The following NOP2 variants were observed in gnomAD, a reference collection of about 807,000 sequenced individuals.
The protein encoded by NOP2 is NOP2 nucleolar protein.
In NOP2, 7 loss-of-function variants were observed where a neutral mutation model predicts 72.7. That is an observed-to-expected ratio of 0.10 (90% CI 0.05 to 0.18). The LOEUF is 0.18. Ranked by LOEUF, NOP2 falls within the 10% of genes least tolerant of loss-of-function variation. The probability of loss-of-function intolerance (pLI) is 1.00; values close to 1 mark genes in which losing one functional copy is unlikely to be tolerated. For synonymous variants in NOP2, 387 were observed against 388.0 expected (o/e 1.00, Z 0.03); for missense variants, 954 against 1,014.7 (o/e 0.94, Z 0.81).
chr12:6,566,370 C>A (rs1592247622), intron 4 of NOP2, 34 bp from the exon 5 acceptor site: 1 of 1,561,634 alleles, frequency 6.4e-7, no homozygotes, highest in South Asian at 1.1e-5. Context: ...CTAATGGCAG[C>A]CACACATTCC....
intron 9 of NOP2, among the ~76,000 whole-genome samples, chr12:6,562,269 C>T (rs1482785948): frequency 2.6e-5 from 4 of 152,264 alleles, no homozygotes; most frequent in East Asian, 3.9e-4. Context: ...GGATTACAGG[C>T]GTTGAGTCAC....
In NOP2 at chr12:6,566,811, T is replaced by A; in HGVS notation, c.115A>T (p.Asn39Tyr). 1 of 1,612,640 alleles carries A rather than the reference T, an allele frequency of 6.2e-7. No individual in the cohort carries two copies. Among genetic ancestry groups the A allele is most frequent in the Non-Finnish European group, 8.5e-7 (1 of 1,179,224 alleles). ...VRFLPAVSDE[N>Y]SKRLSSRARK... is the part of the protein sequence containing the mutation. Reference sequence around the variant, plus strand: ...GCACGACTAGACAGCCTCTTGGAATTTTCGTCACTTACTGTTTAAAAAAGA... The same window carrying A: ...GCACGACTAGACAGCCTCTTGGAATATTCGTCACTTACTGTTTAAAAAAGA... Residue 39 changes from asparagine to tyrosine, a missense_variant, in exon 3 of 16, where the codon AAT (asparagine) becomes TAT (tyrosine). Physicochemically the swap from Asn to Tyr is moderately radical, Grantham distance 143. Transcript: ENST00000322166.
Position 6,560,944 on chromosome 12 carries a change from C to T in NOP2, c.1334G>A (p.Arg445His), listed in dbSNP as rs777695951. 2.7e-5 allele frequency: 44 copies of T among 1,613,620 alleles called. No individual in the cohort carries two copies. The East Asian group carries it at 4.7e-4, about 17-fold the overall frequency. ...TNTIISHYDG[R>H]QFPKVVGGFD... ...CTCGAGTCTCACCTTGGGGAACTGGCGCCCATCATAGTGGCTGATAATGGT... is the reference window on the plus strand; with the variant it reads ...CTCGAGTCTCACCTTGGGGAACTGGTGCCCATCATAGTGGCTGATAATGGT... Residue 445 changes from arginine (R) to histidine (H), a missense_variant, in exon 12 of 16, where the codon CGC (arginine) becomes CAC (histidine). Physicochemically the swap from Arg to His is conservative, Grantham distance 29. Transcript: ENST00000322166. This position sits in a 1 kb window ranked among gnomAD's most constrained non-coding sequence, Gnocchi z 5.0.
At chr12:6,563,015 A>C (rs1947687657) in intron 9 of NOP2, 66 bp downstream of exon 9, 2 of 1,444,836 alleles carry the variant, frequency 1.4e-6, no homozygotes, top group African/African-American at 2.8e-5. Context: ...AGCACAGAGG[A>C]ATCTCTGGAG....
chr12:6,557,073 G>C lies in NOP2; in HGVS notation c.2359C>G (p.Pro787Ala). ...GGTGGGGGGCGGCTGGAACGGATGG[G>C]AGACACAGTGGGAGGCTGAGGCCCC... ...PKGPQPPTVS[P>A]IRSSRPPPAK... The change falls in exon 16 of 16, where the codon CCC becomes GCC. Residue 787 changes from proline to alanine, a missense_variant. Around this residue, in one of 3 missense-constraint regions of NOP2, gnomAD observed 269 missense variants for 260.2 expected, o/e 1.03. Transcript: ENST00000322166. The C allele has an allele frequency of 6.2e-7, 1 of 1,613,968 alleles. No individual in the cohort carries two copies. Among genetic ancestry groups the C allele is most frequent in the East Asian group, 2.2e-5 (1 of 44,882 alleles).
rs745525844 is a variant in NOP2 at position 6,556,986 on chromosome 12, C to G, written c.*7G>C. ...GGCAGTGAGCCACCCGTCTAGTTTT[C>G]AACCATCTAAGATAGCAGCAGCTGG... On this transcript the variant is annotated 3_prime_UTR_variant, in exon 16 of 16. Transcript: ENST00000322166. 6.2e-7 allele frequency: 1 copy of G among 1,613,618 alleles called. No individual in the cohort carries two copies. Among genetic ancestry groups the G allele is most frequent in the South Asian group, 1.1e-5 (1 of 91,058 alleles).
chr12:6,559,959 G>A, intron 15 of NOP2, 139 bp downstream of exon 15: 1 of 666,694 alleles, frequency 1.5e-6, no homozygotes, highest in Non-Finnish European at 2.6e-6. Context: ...GAATGAGAGG[G>A]TTCTCTCAGC....
Position 6,567,847 on chromosome 12 carries a change from G to T in NOP2, c.72C>A (p.Ala24=). 2 of 1,613,996 alleles carry T rather than the reference G, an allele frequency of 1.2e-6. No individual in the cohort carries two copies. Among genetic ancestry groups the T allele is most frequent in the Non-Finnish European group, 1.7e-6 (2 of 1,179,880 alleles). ...PGRKARKQKG[A]ETELVRFLPA... ...GCAAGAATCTGACGAGTTCTGTCTCGGCACCCTTCTGCTTCCGGGCCTTTC... is the reference window on the plus strand; with the variant it reads ...GCAAGAATCTGACGAGTTCTGTCTCTGCACCCTTCTGCTTCCGGGCCTTTC... Residue 24 remains alanine, a synonymous_variant, in exon 2 of 16, where the codon GCC becomes GCA. Transcript: ENST00000322166.
intron 9 of NOP2, among the ~76,000 whole-genome samples, chr12:6,562,306 A>G (rs1947673465): frequency 6.6e-6 from 1 of 152,178 alleles, no homozygotes. Context: ...GAAGATTTTA[A>G]TAACCTCATA....
intron 9 of NOP2, 114 bp downstream of exon 9, chr12:6,562,967 G>T: frequency 2.9e-6 from 3 of 1,044,316 alleles, no homozygotes. Flanking sequence ...GCCCCCCCAG[G>T]ATCATGCTTA....
intron 5 of NOP2, 120 bp downstream of exon 5, chr12:6,565,980 CA>C (rs1947769373): frequency 1.3e-6 from 1 of 763,238 alleles, no homozygotes; most frequent in Non-Finnish European, 2.2e-6. Flanking sequence ...AGTGATGGAG[CA>C]CAAAAACCCC....
chr12:6,561,810 GAGA>G lies in NOP2; in HGVS notation c.1067-9_1067-7del, dbSNP rs1436684950. On this transcript the variant is annotated splice_region_variant and splice_polypyrimidine_tract_variant and intron_variant, in intron 10 of 15. Transcript: ENST00000322166. The stretch of plus-strand genomic sequence containing the variant: ...CAGGTACTCGGGGGTAGCACCTGTG[GAGA>G]AGGACCACCCTGTGACATGCGGTAG... 4 of 1,609,382 alleles carry G rather than the reference GAGA, an allele frequency of 2.5e-6. No homozygotes were observed. Among genetic ancestry groups the G allele is most frequent in the African/African-American group, 1.3e-5 (1 of 74,916 alleles).
chr12:6,562,986 G>T, intron 9 of NOP2, 95 bp downstream of exon 9: 1 of 1,244,148 alleles, frequency 8.0e-7, no homozygotes, highest in South Asian at 1.3e-5. Context: ...TAGGTCCTAA[G>T]GCCCCACCCA....
chr12:6,567,735 A>T, intron 2 of NOP2, 81 bp downstream of exon 2: 1 of 1,109,354 alleles, frequency 9.0e-7, no homozygotes, highest in Non-Finnish European at 1.3e-6. Flanking sequence ...TATAAAATGA[A>T]CAGAAACTAA....
chr12:6,560,692 C>T lies in NOP2; in HGVS notation c.1437+6G>A. 2 of 1,613,456 alleles carry T rather than the reference C, an allele frequency of 1.2e-6. No homozygotes were observed. The highest frequency in any genetic ancestry group is 8.5e-7 in the Non-Finnish European group (1 of 1,179,666). On this transcript the variant is annotated splice_donor_region_variant and intron_variant, in intron 13 of 15. Coordinates refer to ENST00000322166, the MANE Select transcript of NOP2 (RefSeq NM_001258308.2). This position sits in a 1 kb window ranked among gnomAD's most constrained non-coding sequence, Gnocchi z 5.0. ...CCTCTCAGGGGCCCACCACCTGACTCCTCACCTTGTTAGTCTTCACGGCTG... is the reference window on the plus strand; with the variant it reads ...CCTCTCAGGGGCCCACCACCTGACTTCTCACCTTGTTAGTCTTCACGGCTG...
intron 15 of NOP2, chr12:6,558,228 G>A (rs1339360925): frequency 1.5e-5 from 5 of 324,392 alleles, no homozygotes; most frequent in Non-Finnish European, 3.0e-5. Flanking sequence ...AGGACAGGAA[G>A]TAACAAGATG....
rs35556146 is a variant in NOP2, at chr12:6,566,156, G to A, written c.419C>T (p.Thr140Met). Residue 140 changes from threonine to methionine, a missense_variant, in exon 5 of 16, where the codon ACG becomes ATG. Transcript: ENST00000322166. ...GGAGTCAGCTCCATAGTCATCTACCGTATCAGCATCGTCCTCGGAGCCCCA... is the reference window on the plus strand; with the variant it reads ...GGAGTCAGCTCCATAGTCATCTACCATATCAGCATCGTCCTCGGAGCCCCA... ...DLWGSEDDAD[T>M]VDDYGADSNS... The A allele has an allele frequency of 3.9e-3, 6,247 of 1,613,838 alleles. 210 individuals are homozygous for A. In the African/African-American group the frequency reaches 0.072, roughly 19 times the overall value.
Position 6,561,816 on chromosome 12 carries a change from G to C in NOP2, c.1067-12C>G. ...CTCGGGGGTAGCACCTGTGGAGAAG[G>C]ACCACCCTGTGACATGCGGTAGGGA... On this transcript the variant is annotated splice_polypyrimidine_tract_variant and intron_variant, in intron 10 of 15. Coordinates refer to ENST00000322166, the MANE Select transcript of NOP2 (RefSeq NM_001258308.2). The C allele has an allele frequency of 6.2e-7, 1 of 1,609,252 alleles. No individual in the cohort carries two copies. Among genetic ancestry groups the C allele is most frequent in the Non-Finnish European group, 8.5e-7 (1 of 1,177,808 alleles).
At chr12:6,566,404 G>A (rs1166143543) in intron 4 of NOP2, 68 bp from the exon 5 acceptor site, 2 of 1,503,052 alleles carry the variant, frequency 1.3e-6, no homozygotes, top group Admixed American at 1.8e-5. Flanking sequence ...CTGGGAGCCT[G>A]TACTTTCTAC....
Sources: gnomAD v4.1 joint callset for allele counts (sites outside exome capture counted in the v4.1 genomes callset) on GRCh38, gnomAD v4.1.1 for gene constraint, gnomAD v4.1.1 regional missense constraint, Gnocchi (gnomAD v3.1) non-coding constraint, MANE v1.5 for transcripts, NCBI Gene and HGNC (gene_info 2026-07-23, HGNC 2026-07-21) for gene names.